Variants in SNTG1 observed in about 807,000 individuals in gnomAD.
The protein encoded by SNTG1 is syntrophin gamma 1.
A neutral mutation model predicts 74.7 loss-of-function variants in SNTG1; 39 were observed. The observed-to-expected ratio is 0.52, with a 90% CI of 0.40 to 0.68. SNTG1 has a LOEUF of 0.68. SNTG1 is among the 30% of genes least tolerant of loss of function. The pLI is 0.00. For missense variants in SNTG1, 685 were observed against 609.5 expected (o/e 1.12, Z -1.30); for synonymous variants, 254 against 217.1 (o/e 1.17, Z -1.49).
At chr8:50,044,806 G>GA (rs1202275398) in intron 1 of SNTG1, among the ~76,000 whole-genome samples, 1 of 152,160 alleles carries the variant, frequency 6.6e-6, no homozygotes, top group Non-Finnish European at 1.5e-5. Context: ...CACAAGGACA[G>GA]AAAAATGTAT....
chr8:50,368,164 C>G (rs933511431), intron 2 of SNTG1, among the ~76,000 whole-genome samples: 1 of 152,040 alleles, frequency 6.6e-6, no homozygotes, highest in Non-Finnish European at 1.5e-5. Context: ...CTGAGAAGGT[C>G]TCAGATGGAA....
In SNTG1 at chr8:50,515,296, G is replaced by A. The variant is rs576458584; in HGVS notation, c.466+12416G>A. 3.6e-4 allele frequency among the ~76,000 whole-genome samples: 55 copies of A among 151,728 alleles called. 1 individual carries two copies. In the South Asian group the frequency reaches 5.6e-3, roughly 16 times the overall value. ...TATAGTCTATCAAATGTTCCATAACGGCATTATGTGTAAAAATACACATAC... is the reference window on the plus strand; with the variant it reads ...TATAGTCTATCAAATGTTCCATAACAGCATTATGTGTAAAAATACACATAC... On this transcript the variant is annotated intron_variant, in intron 9 of 18. Transcript: ENST00000642720.
At chr8:50,598,169 C>T (rs2094744870) in intron 13 of SNTG1, among the ~76,000 whole-genome samples, 1 of 151,614 alleles carries the variant, frequency 6.6e-6, no homozygotes. Flanking sequence ...AAGCAATTTC[C>T]CTATGCTTTC....
intron 1 of SNTG1, among the ~76,000 whole-genome samples, chr8:50,120,514 C>A (rs922192004): frequency 8.0e-6 from 1 of 124,804 alleles, no homozygotes; most frequent in Non-Finnish European, 1.6e-5. Flanking sequence ...CTGCAATCAC[C>A]AATACTGCCA....
intron 2 of SNTG1, among the ~76,000 whole-genome samples, chr8:50,236,126 G>T (rs34649743): frequency 6.6e-6 from 1 of 151,898 alleles, no homozygotes; most frequent in Non-Finnish European, 1.5e-5. Context: ...AATTTTATCT[G>T]GATGGTTTTT....
chr8:50,482,682 G>A lies in SNTG1; in HGVS notation c.364-20096G>A, dbSNP rs114732181. On this transcript the variant is annotated intron_variant, in intron 8 of 18. Transcript: ENST00000642720. ...AATTCCCCGTTTCTACACCATTGCC[G>A]AGGACACATAGATGCAAGGATTCTA... Among the ~76,000 whole-genome samples the A allele has an allele frequency of 2.4e-3, 363 of 152,248 alleles. 2 individuals are homozygous for A. The highest frequency in any genetic ancestry group is 8.3e-3 in the African/African-American group (343 of 41,546).
At chr8:50,647,893 T>C (rs556575780) in intron 13 of SNTG1, among the ~76,000 whole-genome samples, 1 of 92,730 alleles carries the variant, frequency 1.1e-5, no homozygotes, top group Middle Eastern at 5.4e-3. Context: ...CATTTTTACA[T>C]TTTTTTTTTA....
intron 12 of SNTG1, among the ~76,000 whole-genome samples, chr8:50,574,022 A>G (rs111656558): frequency 1.3e-3 from 200 of 152,164 alleles, no homozygotes; most frequent in African/African-American, 4.4e-3. Flanking sequence ...AAAAATATAT[A>G]TGATATTCAG....
chr8:50,645,623 C>T (rs898602155), intron 13 of SNTG1, among the ~76,000 whole-genome samples: 8 of 152,074 alleles, frequency 5.3e-5, no homozygotes, highest in African/African-American at 1.9e-4. Flanking sequence ...ACTTTTATTC[C>T]TGGCAAAATA....
chr8:50,787,172 C>T (rs1421630262), intron 18 of SNTG1, among the ~76,000 whole-genome samples: 1 of 151,508 alleles, frequency 6.6e-6, no homozygotes, highest in Non-Finnish European at 1.5e-5. Flanking sequence ...TAAAAATTGA[C>T]AAAGGATTCA....
chr8:50,163,373 T>C (rs2082492365), intron 1 of SNTG1: 1 of 152,050 alleles, frequency 6.6e-6, no homozygotes, highest in Non-Finnish European at 1.5e-5. Flanking sequence ...TATTCCAAAA[T>C]ATAATTTTTC....
At chr8:50,777,311 T>C (rs1257918783) in intron 18 of SNTG1, among the ~76,000 whole-genome samples, 1 of 149,422 alleles carries the variant, frequency 6.7e-6, no homozygotes. Flanking sequence ...TTTTCAATCT[T>C]TCTTACAACT....
In SNTG1 at chr8:49,951,379, T is replaced by G. The variant is rs77475337; in HGVS notation, c.-103+39148T>G. Among the ~76,000 whole-genome samples the G allele has an allele frequency of 5.3e-3, 800 of 151,960 alleles. 4 individuals are homozygous for G. Among genetic ancestry groups the G allele is most frequent in the Middle Eastern group, 0.034 (10 of 294 alleles). On this transcript the variant is annotated intron_variant, in intron 1 of 18. Transcript: ENST00000642720. ...CACAAATCTTGAGAGACAAATGAAATTAGTCCATTTTACTGCTGAAACCAC... is the reference window on the plus strand; with the variant it reads ...CACAAATCTTGAGAGACAAATGAAAGTAGTCCATTTTACTGCTGAAACCAC...
chr8:50,354,783 C>T (rs949389423), intron 2 of SNTG1, among the ~76,000 whole-genome samples: 1 of 152,142 alleles, frequency 6.6e-6, no homozygotes, highest in Non-Finnish European at 1.5e-5. Flanking sequence ...GGGTCTTCTT[C>T]CAGGCTCACG....
intron 1 of SNTG1, chr8:50,011,952 C>A (rs187082645): frequency 1.2e-4 from 18 of 152,228 alleles, no homozygotes; most frequent in Non-Finnish European, 2.4e-4. Flanking sequence ...AATGCTATCA[C>A]CTTTTTTTCC....
intron 2 of SNTG1, among the ~76,000 whole-genome samples, chr8:50,324,902 C>A (rs1024083148): frequency 1.4e-5 from 2 of 146,230 alleles, no homozygotes; most frequent in Admixed American, 6.9e-5. Flanking sequence ...GGTGTATGAT[C>A]CCTTTTGCAT....
intron 1 of SNTG1, among the ~76,000 whole-genome samples, chr8:50,047,213 C>T (rs1052994884): frequency 6.6e-6 from 1 of 151,880 alleles, no homozygotes; most frequent in African/African-American, 2.4e-5. Context: ...GTGGTGCATG[C>T]CTGTGGTCTC....
At chr8:49,977,704 A>G (rs1456367721) in intron 1 of SNTG1, among the ~76,000 whole-genome samples, 1 of 152,228 alleles carries the variant, frequency 6.6e-6, no homozygotes, top group Non-Finnish European at 1.5e-5. Context: ...AAATAAATAA[A>G]GACCAGATGC....
At chr8:50,701,609 C>CTTG (rs1204169043) in intron 15 of SNTG1, among the ~76,000 whole-genome samples, 2 of 141,140 alleles carry the variant, frequency 1.4e-5, no homozygotes, top group Non-Finnish European at 3.1e-5. Flanking sequence ...TCTTCTTCTT[C>CTTG]TTCTTCTTCG....
Sources: allele counts gnomAD v4.1 joint callset (sites outside exome capture counted in the v4.1 genomes callset), GRCh38; gene constraint gnomAD v4.1.1; transcripts MANE v1.5; gene names NCBI Gene and HGNC (gene_info 2026-07-23, HGNC 2026-07-21).